Variants in TTC3 observed in about 807,000 individuals in gnomAD.
The protein encoded by TTC3 is tetratricopeptide repeat domain 3, also known as E3 ubiquitin-protein ligase TTC3.
A neutral mutation model predicts 249.6 loss-of-function variants in TTC3; 180 were observed. The ratio of observed to expected loss-of-function variants is 0.72; its 90% confidence interval spans 0.64 to 0.82. TTC3 has a LOEUF of 0.82. Among genes scored for constraint, TTC3 ranks in the 40% least tolerant of loss-of-function variants. The pLI is 0.00. For synonymous variants in TTC3, 717 were observed against 805.0 expected (o/e 0.89, Z 1.85); for missense variants, 2,061 against 2,398.4 (o/e 0.86, Z 2.94).
Position 37,108,469 on chromosome 21 carries a change from A to G in TTC3, c.900+23A>G, listed in dbSNP as rs34134796. On this transcript the variant is annotated intron_variant, in intron 11 of 45. Transcript: ENST00000355666. Reference sequence around the variant, plus strand: ...AAGGTAGGTTTCTTCTGTATTTTATATTGAGCAAATAATGCCATACAACAT... The same window carrying G: ...AAGGTAGGTTTCTTCTGTATTTTATGTTGAGCAAATAATGCCATACAACAT... The G allele has an allele frequency of 3.1e-6, 5 of 1,602,956 alleles. No individual in the cohort carries two copies. In the South Asian group the frequency reaches 4.5e-5, roughly 14 times the overall value.
Position 37,197,703 on chromosome 21 carries a change from T to C in TTC3, c.5706+7T>C. On this transcript the variant is annotated splice_region_variant and intron_variant, in intron 43 of 45. Coordinates refer to ENST00000355666, the Ensembl canonical transcript of TTC3. The stretch of plus-strand genomic sequence containing the variant: ...TGAACAGAAAAAGAAAAAGGTATTT[T>C]ATCTAGATGTTCCAGTTTATCCTTA... 2 of 1,598,472 alleles carry C rather than the reference T, an allele frequency of 1.3e-6. No individual in the cohort carries two copies. Among genetic ancestry groups the C allele is most frequent in the Non-Finnish European group, 1.7e-6 (2 of 1,174,264 alleles).
chr21:37,173,154 T>C lies in TTC3; in HGVS notation c.4617+410T>C, dbSNP rs143467325. ...CATGGTTCTATACTAGTTCTAATCT[T>C]GGGCAATTTACTTAACTTCTCTGTG... is the stretch of plus-strand genomic sequence containing the variant. On this transcript the variant is annotated intron_variant, in intron 35 of 45. Transcript: ENST00000355666. 1.0e-2 allele frequency among the ~76,000 whole-genome samples: 1,521 copies of C among 152,254 alleles called. 14 individuals carry two copies. The highest frequency in any genetic ancestry group is 0.03 in the East Asian group (154 of 5,184).
chr21:37,148,705 C>A (rs2079194097), intron 23 of TTC3, 58 bp downstream of exon 23: 5 of 1,174,246 alleles, frequency 4.3e-6, no homozygotes, highest in Non-Finnish European at 5.9e-6. Context: ...GTCAATTTTT[C>A]CCCCAAGAAT....
At chr21:37,124,541 G>C in intron 13 of TTC3, 78 bp from the exon 14 acceptor site, 1 of 1,486,050 alleles carries the variant, frequency 6.7e-7, no homozygotes, top group Non-Finnish European at 9.2e-7. Context: ...AGGAAAAAAG[G>C]CTGTGATTGC....
chr21:37,163,489 T>C (rs779276034), intron 31 of TTC3, among the ~76,000 whole-genome samples: 24 of 152,204 alleles, frequency 1.6e-4, no homozygotes, highest in Non-Finnish European at 2.8e-4. Flanking sequence ...TAGCTGGGAT[T>C]ACAGCCATGC....
chr21:37,174,507 A>G (rs1022005257), intron 35 of TTC3, among the ~76,000 whole-genome samples: 2 of 34,572 alleles, frequency 5.8e-5, no homozygotes, highest in African/African-American at 3.7e-4. Flanking sequence ...TAAAACATAG[A>G]AAGAAATGAG....
intron 1 of TTC3, among the ~76,000 whole-genome samples, chr21:37,084,688 C>T (rs911600464): frequency 1.3e-5 from 2 of 152,202 alleles, no homozygotes; most frequent in African/African-American, 2.4e-5. Flanking sequence ...GTCACATTGC[C>T]TCTCTAGTTA....
At chr21:37,193,639 ACT>A (rs2084482162) in intron 41 of TTC3, among the ~76,000 whole-genome samples, 4 of 152,184 alleles carry the variant, frequency 2.6e-5, no homozygotes, top group Admixed American at 2.6e-4. Context: ...AATTCTGGGA[ACT>A]CTTAGTGTGC....
chr21:37,146,446 G>T (rs1280625326), intron 21 of TTC3, among the ~76,000 whole-genome samples: 1 of 152,152 alleles, frequency 6.6e-6, no homozygotes, highest in Admixed American at 6.5e-5. Flanking sequence ...TTGAGCCCAG[G>T]AGGCAGAGGT....
At chr21:37,082,484 CT>C (rs2071832058) in intron 1 of TTC3, 1 of 985,200 alleles carries the variant, frequency 1.0e-6, no homozygotes, top group African/African-American at 1.7e-5. Context: ...TTTCTATCAG[CT>C]TTGTCTGGGA....
chr21:37,074,557 T>C (rs190546760), intron 1 of TTC3, among the ~76,000 whole-genome samples: 135 of 152,314 alleles, frequency 8.9e-4, no homozygotes, highest in African/African-American at 3.2e-3. Context: ...TCTTTCCATT[T>C]TGCCCAAGAT....
intron 20 of TTC3, among the ~76,000 whole-genome samples, chr21:37,143,282 A>C (rs1389953332): frequency 6.6e-6 from 1 of 152,174 alleles, no homozygotes; most frequent in Non-Finnish European, 1.5e-5. Context: ...TGCACAGCAA[A>C]AGAAACTACC....
At chr21:37,151,746 C>G in intron 25 of TTC3, 147 bp from the exon 26 acceptor site, 8 of 889,588 alleles carry the variant, frequency 9.0e-6, no homozygotes, top group Non-Finnish European at 1.3e-5. Context: ...TTTGACAATA[C>G]TGACAGTTTC....
At chr21:37,090,011 A>T (rs1440461797) in intron 5 of TTC3, among the ~76,000 whole-genome samples, 1 of 152,046 alleles carries the variant, frequency 6.6e-6, no homozygotes, top group African/African-American at 2.4e-5. Context: ...CACATGTCTA[A>T]AGATTATACT....
At chr21:37,200,472 C>A in intron 45 of TTC3, 148 bp downstream of exon 45, 1 of 823,964 alleles carries the variant, frequency 1.2e-6, no homozygotes. Context: ...TGTTCAGTGC[C>A]TCCCTGTCCT....
intron 19 of TTC3, 86 bp from the exon 20 acceptor site, chr21:37,140,475 T>C: frequency 3.3e-6 from 3 of 914,258 alleles, no homozygotes; most frequent in African/African-American, 3.5e-5. Context: ...TATTTTAATA[T>C]TATAAAAAAA....
At chr21:37,131,524 T>A (rs537008763) in intron 16 of TTC3, among the ~76,000 whole-genome samples, 73 of 152,206 alleles carry the variant, frequency 4.8e-4, no homozygotes, top group Non-Finnish European at 9.9e-4. Context: ...TGTTTTTGAG[T>A]TGTATCCTTT....
At chr21:37,134,126 A>G (rs1445915859) in intron 17 of TTC3, among the ~76,000 whole-genome samples, 1 of 152,070 alleles carries the variant, frequency 6.6e-6, no homozygotes, top group Non-Finnish European at 1.5e-5. Flanking sequence ...TATTCTGGGG[A>G]GCGTTCTGCC....
rs2081168001 is a variant in TTC3 at position 37,165,497 on chromosome 21, C to T, written c.3336-53C>T. 6 of 1,365,056 alleles carry T rather than the reference C, an allele frequency of 4.4e-6. No individual in the cohort carries two copies. The South Asian group carries it at 7.1e-5, about 16-fold the overall frequency. The allele number at this position is 1,365,056 out of a possible 1,614,324, so 84.6% of individuals were successfully genotyped here. On this transcript the variant is annotated intron_variant, in intron 32 of 45. Coordinates refer to ENST00000355666, the Ensembl canonical transcript of TTC3. ...AGAATAAAAGTTTTTTTCAAATAGA[C>T]ATATTCAAGTACTTCCTTATAGTAA... is the stretch of plus-strand genomic sequence containing the variant.
Sources: gnomAD v4.1 joint callset for allele counts (sites outside exome capture counted in the v4.1 genomes callset) on GRCh38, gnomAD v4.1.1 for gene constraint, MANE v1.5 for transcripts, NCBI Gene and HGNC (gene_info 2026-07-23, HGNC 2026-07-21) for gene names.